NAA15: variants seen among roughly 807,000 people sequenced by gnomAD.
NAA15 encodes the protein N-terminal acetyltransferase.
In NAA15, 34 loss-of-function variants were observed where a neutral mutation model predicts 114.0. That is an observed-to-expected ratio of 0.30 (90% CI 0.23 to 0.40). The LOEUF is 0.40. Among genes scored for constraint, NAA15 ranks in the 10% least tolerant of loss-of-function variants. The probability of loss-of-function intolerance (pLI) is 1.00; values close to 1 mark genes in which losing one functional copy is unlikely to be tolerated. For missense variants in NAA15, 658 were observed against 1,004.5 expected (o/e 0.66, Z 4.66); for synonymous variants, 340 against 338.0 (o/e 1.01, Z -0.06).
chr4:139,370,569 C>T (rs1451485720), intron 15 of NAA15, among the ~76,000 whole-genome samples, 165 bp downstream of exon 15: 6 of 151,902 alleles, frequency 3.9e-5, no homozygotes, highest in Admixed American at 6.6e-5. Context: ...TGTTTCTGAT[C>T]GTGTTTCATG....
intron 2 of NAA15, among the ~76,000 whole-genome samples, chr4:139,335,353 A>T (rs1344928353): frequency 1.3e-5 from 2 of 152,104 alleles, no homozygotes; most frequent in Admixed American, 1.3e-4. Flanking sequence ...TTTTCCCTAC[A>T]TCATTTCACT....
intron 1 of NAA15, among the ~76,000 whole-genome samples, chr4:139,321,046 T>A (rs1473495979): frequency 6.7e-6 from 1 of 149,802 alleles, no homozygotes; most frequent in Admixed American, 6.7e-5. Context: ...GATTTATTCA[T>A]TTTTTTTTTG....
chr4:139,368,783 A>G (rs765398136), intron 14 of NAA15, among the ~76,000 whole-genome samples: 5 of 152,162 alleles, frequency 3.3e-5, no homozygotes, highest in Non-Finnish European at 5.9e-5. Flanking sequence ...AAATCACCAC[A>G]GTGGTAGTGT....
At chr4:139,313,980 TA>T (rs1746302466) in intron 1 of NAA15, among the ~76,000 whole-genome samples, 1 of 151,794 alleles carries the variant, frequency 6.6e-6, no homozygotes, top group Admixed American at 6.6e-5. Flanking sequence ...ACCACAACAT[TA>T]AAAAACATTA....
chr4:139,387,197 G>A (rs1748933780), intron 19 of NAA15, among the ~76,000 whole-genome samples: 1 of 152,158 alleles, frequency 6.6e-6, no homozygotes, highest in South Asian at 2.1e-4. Flanking sequence ...TTTGCATGTG[G>A]AAACTAAGTA....
chr4:139,323,924 T>C (rs913356267), intron 1 of NAA15, among the ~76,000 whole-genome samples: 2 of 152,198 alleles, frequency 1.3e-5, no homozygotes, highest in Middle Eastern at 3.2e-3. Flanking sequence ...CTCTTGTTTT[T>C]TGAGGCAAGT....
intron 1 of NAA15, 29 bp downstream of exon 1, chr4:139,301,860 G>T: frequency 6.3e-7 from 1 of 1,575,340 alleles, no homozygotes; most frequent in East Asian, 2.4e-5. Context: ...GCAAGCGGTG[G>T]GGAGGATTTA....
In NAA15 at chr4:139,319,757, G is replaced by A. The variant is rs1579089373; in HGVS notation, c.55-14417G>A. Among the ~76,000 whole-genome samples, 8 of 152,282 alleles carry A rather than the reference G, an allele frequency of 5.3e-5. No homozygotes were observed. In the South Asian group the frequency reaches 1.7e-3, roughly 32 times the overall value. On this transcript the variant is annotated intron_variant, in intron 1 of 19. Transcript: ENST00000296543. Reference sequence around the variant, plus strand: ...CAAGTTCTATTTCTTAATATTGTGGGTTTCAGATGCCATGATCTCATGATA... The same window carrying A: ...CAAGTTCTATTTCTTAATATTGTGGATTTCAGATGCCATGATCTCATGATA...
chr4:139,351,807 A>C (rs886236292), intron 9 of NAA15, among the ~76,000 whole-genome samples, 196 bp downstream of exon 9: 2 of 151,498 alleles, frequency 1.3e-5, no homozygotes, highest in African/African-American at 4.9e-5. Context: ...CCAGTAACTT[A>C]TTGCTTGTTT....
intron 18 of NAA15, among the ~76,000 whole-genome samples, chr4:139,385,543 G>A (rs887360790): frequency 1.3e-5 from 2 of 151,862 alleles, no homozygotes; most frequent in African/African-American, 4.8e-5. Context: ...TCATTCTTAT[G>A]TAGGTATCAG....
At chr4:139,319,272 T>C (rs1359194726) in intron 1 of NAA15, among the ~76,000 whole-genome samples, 1 of 152,130 alleles carries the variant, frequency 6.6e-6, no homozygotes, top group East Asian at 1.9e-4. Context: ...CCAGCCTGGC[T>C]AAATTTTGTA....
At chr4:139,379,901 C>T (rs781298156) in intron 17 of NAA15, among the ~76,000 whole-genome samples, 15 of 152,164 alleles carry the variant, frequency 9.9e-5, no homozygotes, top group Middle Eastern at 3.4e-3. Context: ...AAAAATTAGC[C>T]GGCCATGGTG....
chr4:139,327,585 C>T lies in NAA15; in HGVS notation c.55-6589C>T, dbSNP rs1031083954. The stretch of plus-strand genomic sequence containing the variant: ...GTAAATCTTATTCTCATTCTTTTTC[C>T]TATCTTATGGTGAATATACGTTTCT... On this transcript the variant is annotated intron_variant, in intron 1 of 19. Transcript: ENST00000296543. 3.3e-5 allele frequency among the ~76,000 whole-genome samples: 5 copies of T among 152,262 alleles called. No homozygotes were observed. The South Asian group carries it at 6.2e-4, about 19-fold the overall frequency.
intron 14 of NAA15, among the ~76,000 whole-genome samples, chr4:139,364,937 A>G (rs1237696488): frequency 6.6e-6 from 1 of 152,154 alleles, no homozygotes; most frequent in East Asian, 1.9e-4. Flanking sequence ...TGGTATGGTT[A>G]GAGTTGCTGA....
In NAA15 at chr4:139,388,286, T is replaced by C. The variant is rs567010120; in HGVS notation, c.*202T>C. The C allele has an allele frequency of 1.8e-5, 7 of 395,286 alleles. 1 individual carries two copies. In the Admixed American group the frequency reaches 2.9e-4, roughly 16 times the overall value. 24.5% of individuals were successfully genotyped at this position (395,286 alleles called of 1,614,324 possible). The stretch of plus-strand genomic sequence containing the variant: ...ATTACAGGATAGAGGTTCAGTTTCT[T>C]AAAAAATTAAAGCTGCTAAAATTGA... On this transcript the variant is annotated 3_prime_UTR_variant, in exon 20 of 20. Transcript: ENST00000296543.
At chr4:139,358,773 G>A (rs138175071) in intron 11 of NAA15, among the ~76,000 whole-genome samples, 1 of 152,096 alleles carries the variant, frequency 6.6e-6, no homozygotes, top group Non-Finnish European at 1.5e-5. Flanking sequence ...TTCCTTTAGC[G>A]TACAGATTTG....
chr4:139,367,616 T>A (rs1462329864), intron 14 of NAA15, among the ~76,000 whole-genome samples: 3 of 152,192 alleles, frequency 2.0e-5, no homozygotes, highest in Non-Finnish European at 2.9e-5. Context: ...TACTCTTAAA[T>A]TTTTTAGAGA....
At chr4:139,302,124 G>A (rs545991305) in intron 1 of NAA15, 3 of 356,968 alleles carry the variant, frequency 8.4e-6, no homozygotes, top group Non-Finnish European at 1.5e-5. Context: ...CGATCTGGGG[G>A]AGAAGAGGCC....
At chr4:139,316,276 C>G (rs1222984411) in intron 1 of NAA15, among the ~76,000 whole-genome samples, 1 of 151,842 alleles carries the variant, frequency 6.6e-6, no homozygotes, top group Non-Finnish European at 1.5e-5. Context: ...ATATTTGATT[C>G]ACATCTACCA....
Sources: gnomAD v4.1 joint callset for allele counts (sites outside exome capture counted in the v4.1 genomes callset) on GRCh38, gnomAD v4.1.1 for gene constraint, MANE v1.5 for transcripts, NCBI Gene and HGNC (gene_info 2026-07-23, HGNC 2026-07-21) for gene names.